NKAIN3: variants seen among roughly 807,000 people sequenced by gnomAD.
The protein encoded by NKAIN3 is sodium/potassium-transporting ATPase subunit beta-1-interacting protein 3.
In NKAIN3, 25 loss-of-function variants were observed where a neutral mutation model predicts 30.2. The observed-to-expected ratio is 0.83, with a 90% CI of 0.60 to 1.16. The LOEUF is 1.16. NKAIN3 is among the 50% of genes most tolerant of loss of function. The pLI, the probability that NKAIN3 is intolerant of heterozygous loss-of-function variation, is 0.00. For synonymous variants in NKAIN3, 91 were observed against 89.6 expected, an observed-to-expected ratio of 1.02 and a Z score of -0.09; for missense variants, 225 against 254.1, an observed-to-expected ratio of 0.89 and a Z score of 0.78.
intron 3 of NKAIN3, among the ~76,000 whole-genome samples, chr8:62,723,595 A>G (rs754220276): frequency 3.6e-4 from 55 of 152,138 alleles, no homozygotes; most frequent in South Asian, 1.2e-3. Context: ...TGAAATGTAT[A>G]CTTATTTTTA....
chr8:62,799,889 TG>T (rs1236798295), intron 4 of NKAIN3, among the ~76,000 whole-genome samples: 1 of 152,154 alleles, frequency 6.6e-6, no homozygotes, highest in Admixed American at 6.6e-5. Flanking sequence ...AACAAAATAA[TG>T]GCATTTGTAG....
chr8:62,250,285 C>G (rs1392852301), intron 1 of NKAIN3, among the ~76,000 whole-genome samples: 1 of 152,064 alleles, frequency 6.6e-6, no homozygotes, highest in Non-Finnish European at 1.5e-5. Context: ...CCCATGAAAA[C>G]CTCACTTTGG....
intron 1 of NKAIN3, among the ~76,000 whole-genome samples, chr8:62,279,638 C>A (rs189678901): frequency 2.5e-4 from 38 of 152,266 alleles, no homozygotes; most frequent in African/African-American, 7.9e-4. Context: ...GGAATCCTTT[C>A]CCCATTTCTT....
chr8:62,509,746 A>G lies in NKAIN3; in HGVS notation c.55-69793A>G, dbSNP rs754486740. Among the ~76,000 whole-genome samples, 17 of 152,208 alleles carry G rather than the reference A, an allele frequency of 1.1e-4. No homozygotes were observed. In the East Asian group the frequency reaches 1.2e-3, roughly 10 times the overall value. ...TCTTATCGTAACTCTCCTAAATATT[A>G]TATTATCCATAGTTCTCTATTACTA... On this transcript the variant is annotated intron_variant, in intron 1 of 6. Transcript: ENST00000623646.
intron 4 of NKAIN3, among the ~76,000 whole-genome samples, chr8:62,788,506 T>G (rs906507416): frequency 6.6e-6 from 1 of 152,218 alleles, no homozygotes; most frequent in East Asian, 1.9e-4. Flanking sequence ...CTGATGGTGG[T>G]TTCTTTTGCT....
chr8:62,658,255 C>T (rs1812824890), intron 3 of NKAIN3, among the ~76,000 whole-genome samples: 1 of 152,136 alleles, frequency 6.6e-6, no homozygotes, highest in Non-Finnish European at 1.5e-5. Flanking sequence ...CATTAAGGAT[C>T]CTTATTACAC....
chr8:62,871,217 A>C (rs1820631476), intron 4 of NKAIN3, among the ~76,000 whole-genome samples: 2 of 151,972 alleles, frequency 1.3e-5, no homozygotes, highest in Admixed American at 1.3e-4. Flanking sequence ...CCTGGCCAAC[A>C]TGGTGAAACC....
At chr8:62,414,410 A>G (rs199517176) in intron 1 of NKAIN3, among the ~76,000 whole-genome samples, 1 of 148,854 alleles carries the variant, frequency 6.7e-6, no homozygotes, top group East Asian at 2.1e-4. Context: ...GGAAGTGTGG[A>G]AAAAAATCAA....
intron 3 of NKAIN3, among the ~76,000 whole-genome samples, chr8:62,669,816 A>C (rs771179345): frequency 5.3e-5 from 8 of 152,208 alleles, no homozygotes; most frequent in Admixed American, 2.0e-4. Context: ...ATTTACAAAC[A>C]GCTGCATGAC....
chr8:62,486,896 G>T (rs1019502400), intron 1 of NKAIN3, among the ~76,000 whole-genome samples: 4 of 152,192 alleles, frequency 2.6e-5, no homozygotes, highest in Admixed American at 1.3e-4. Flanking sequence ...AGTTTGGGAA[G>T]TGTTCTTGCT....
chr8:62,681,792 A>T (rs1813652886), intron 3 of NKAIN3, among the ~76,000 whole-genome samples: 1 of 152,178 alleles, frequency 6.6e-6, no homozygotes, highest in Non-Finnish European at 1.5e-5. Flanking sequence ...ATAAATGTAT[A>T]ATCTTGAGTA....
At chr8:62,595,513 C>T (rs542916864) in intron 3 of NKAIN3, among the ~76,000 whole-genome samples, 65 of 151,604 alleles carry the variant, frequency 4.3e-4, no homozygotes, top group African/African-American at 1.1e-3. Context: ...GTTTATATCC[C>T]GATCCTTGTC....
chr8:62,750,357 C>T (rs1026423298), intron 4 of NKAIN3, among the ~76,000 whole-genome samples: 71 of 152,140 alleles, frequency 4.7e-4, no homozygotes, highest in African/African-American at 1.7e-3. Context: ...AAGTGCCTCG[C>T]GTGAGTGGAG....
intron 3 of NKAIN3, among the ~76,000 whole-genome samples, chr8:62,688,342 C>T (rs2130435366): frequency 6.6e-6 from 1 of 152,258 alleles, no homozygotes; most frequent in Admixed American, 6.5e-5. Context: ...CAGATGATAC[C>T]TATCTTTCAA....
chr8:62,427,845 A>G (rs1804858515), intron 1 of NKAIN3, among the ~76,000 whole-genome samples: 1 of 151,976 alleles, frequency 6.6e-6, no homozygotes. Flanking sequence ...TGTACTGGAA[A>G]CATTACATAT....
intron 1 of NKAIN3, among the ~76,000 whole-genome samples, chr8:62,495,834 T>C (rs1563425100): frequency 6.6e-6 from 1 of 152,064 alleles, no homozygotes; most frequent in Non-Finnish European, 1.5e-5. Flanking sequence ...TTTCCCAAAG[T>C]CAGATAGCTA....
rs147641507 is a variant in NKAIN3, at chr8:62,582,859, G to C, written c.192+3183G>C. 3.9e-4 allele frequency among the ~76,000 whole-genome samples: 59 copies of C among 152,258 alleles called. No individual in the cohort carries two copies. The Middle Eastern group carries it at 0.01, about 26-fold the overall frequency. On this transcript the variant is annotated intron_variant, in intron 2 of 6. Coordinates refer to ENST00000623646, the MANE Select transcript of NKAIN3 (RefSeq NM_001304533.3). ...ATCATCAGTGGGGCAAGGCCTAGGG[G>C]AAGGCCTGAGCCAGGTGTGGAGACC...
intron 3 of NKAIN3, among the ~76,000 whole-genome samples, chr8:62,681,446 A>G (rs1259322863): frequency 2.6e-5 from 4 of 152,124 alleles, no homozygotes; most frequent in Non-Finnish European, 5.9e-5. Context: ...TTTTTCTTTT[A>G]TTCTCAAAAA....
intron 1 of NKAIN3, among the ~76,000 whole-genome samples, chr8:62,546,044 T>G (rs1209685471): frequency 5.9e-5 from 9 of 152,202 alleles, no homozygotes; most frequent in Non-Finnish European, 1.3e-4. Flanking sequence ...GTTTGAGCAT[T>G]TATCCAAACA....
Sources: allele counts gnomAD v4.1 joint callset (sites outside exome capture counted in the v4.1 genomes callset), GRCh38; gene constraint gnomAD v4.1.1; transcripts MANE v1.5; gene names NCBI Gene and HGNC (gene_info 2026-07-23, HGNC 2026-07-21).